LRMDA: variants seen among roughly 807,000 people sequenced by gnomAD.
LRMDA encodes the protein leucine rich melanocyte differentiation associated.
A neutral mutation model predicts 29.8 loss-of-function variants in LRMDA; 18 were observed. The ratio of observed to expected loss-of-function variants is 0.60; its 90% confidence interval spans 0.42 to 0.90. The LOEUF is 0.90. LRMDA is among the 40% of genes least tolerant of loss of function. LRMDA has a pLI of 0.00. For missense variants in LRMDA, 273 were observed against 273.9 expected, an observed-to-expected ratio of 1.00 and a Z score of 0.02; for synonymous variants, 125 against 109.4, an observed-to-expected ratio of 1.14 and a Z score of -0.89.
At chr10:76,195,798 G>A (rs1460810450) in intron 5 of LRMDA, among the ~76,000 whole-genome samples, 1 of 152,162 alleles carries the variant, frequency 6.6e-6, no homozygotes, top group Non-Finnish European at 1.5e-5. Context: ...GTAAATTAAA[G>A]GAATGTTATT....
At chr10:75,610,435 A>G (rs1203392774) in intron 2 of LRMDA, among the ~76,000 whole-genome samples, 1 of 151,822 alleles carries the variant, frequency 6.6e-6, no homozygotes, top group African/African-American at 2.4e-5. Flanking sequence ...CCCCACATGT[A>G]CACACAGCAC....
intron 2 of LRMDA, among the ~76,000 whole-genome samples, chr10:75,895,740 G>A (rs976895306): frequency 1.1e-4 from 17 of 152,222 alleles, no homozygotes; most frequent in Admixed American, 3.9e-4. Context: ...AGAACAGCAC[G>A]TGAAGGAAGG....
chr10:75,904,833 CTGTGTGGCTCGGGGAGTCTCTCTT>C (rs1272138883), intron 2 of LRMDA, among the ~76,000 whole-genome samples: 1 of 152,120 alleles, frequency 6.6e-6, no homozygotes, highest in Non-Finnish European at 1.5e-5. Context: ...TTCTCGTGAC[CTGTGTGGCTCGGGGAGTCTCTCTT>C]AGAGATGGAG....
At chr10:76,493,532 T>C (rs1483584015) in intron 6 of LRMDA, among the ~76,000 whole-genome samples, 1 of 152,144 alleles carries the variant, frequency 6.6e-6, no homozygotes, top group African/African-American at 2.4e-5. Context: ...TGTAAAACGG[T>C]ATTCAATTAT....
At chr10:76,288,808 G>C (rs1474448044) in intron 5 of LRMDA, among the ~76,000 whole-genome samples, 3 of 152,102 alleles carry the variant, frequency 2.0e-5, no homozygotes, top group African/African-American at 4.8e-5. Context: ...GAGATTCTTG[G>C]AAAATTGCTT....
At chr10:76,329,051 G>A (rs1489617231) in intron 6 of LRMDA, among the ~76,000 whole-genome samples, 1 of 152,086 alleles carries the variant, frequency 6.6e-6, no homozygotes, top group East Asian at 1.9e-4. Context: ...ACCAGTGAGG[G>A]GATTCTCACG....
In LRMDA at chr10:75,812,013, G is replaced by A. The variant is rs144715786; in HGVS notation, c.132-223995G>A. ...GGATTTTCTTCCCTTTGCCCTTGACGTTGAAGTGAAACATATTGTTTCCCT... is the reference window on the plus strand; with the variant it reads ...GGATTTTCTTCCCTTTGCCCTTGACATTGAAGTGAAACATATTGTTTCCCT... On this transcript the variant is annotated intron_variant, in intron 2 of 6. Coordinates refer to ENST00000611255, the MANE Select transcript of LRMDA (RefSeq NM_001305581.2). 1.9e-4 allele frequency among the ~76,000 whole-genome samples: 28 copies of A among 151,098 alleles called. No homozygotes were observed. The East Asian group carries it at 5.3e-3, about 28-fold the overall frequency.
intron 5 of LRMDA, among the ~76,000 whole-genome samples, chr10:76,218,997 G>C (rs1851778576): frequency 2.0e-5 from 3 of 152,176 alleles, no homozygotes; most frequent in Admixed American, 6.5e-5. Context: ...TGCAGACTAG[G>C]AATGTTGGGA....
At chr10:75,855,382 G>T (rs1278590133) in intron 2 of LRMDA, among the ~76,000 whole-genome samples, 1 of 152,166 alleles carries the variant, frequency 6.6e-6, no homozygotes, top group Admixed American at 6.5e-5. Flanking sequence ...AGAAGTGTCT[G>T]TTCATATCCT....
At chr10:75,871,821 A>G (rs1845116216) in intron 2 of LRMDA, among the ~76,000 whole-genome samples, 1 of 151,754 alleles carries the variant, frequency 6.6e-6, no homozygotes, top group Non-Finnish European at 1.5e-5. Flanking sequence ...ACTCACCTTT[A>G]CCCTTTGTTT....
chr10:75,529,267 A>G (rs1173776939), intron 2 of LRMDA, among the ~76,000 whole-genome samples: 1 of 152,234 alleles, frequency 6.6e-6, no homozygotes, highest in Non-Finnish European at 1.5e-5. Context: ...AGGGCCTCAG[A>G]CTTCCAAATG....
chr10:76,006,379 G>A (rs995811662), intron 2 of LRMDA, among the ~76,000 whole-genome samples: 4 of 152,158 alleles, frequency 2.6e-5, no homozygotes, highest in African/African-American at 7.2e-5. Context: ...GGAGAGAACC[G>A]TTTTGCCTCT....
chr10:75,632,692 A>G (rs566828934), intron 2 of LRMDA, among the ~76,000 whole-genome samples: 2 of 151,468 alleles, frequency 1.3e-5, no homozygotes, highest in Admixed American at 1.3e-4. Context: ...CTTTGTATCA[A>G]GTGTAGGGAG....
At chr10:75,553,408 T>C (rs1262716448) in intron 2 of LRMDA, among the ~76,000 whole-genome samples, 1 of 152,210 alleles carries the variant, frequency 6.6e-6, no homozygotes, top group Non-Finnish European at 1.5e-5. Context: ...CTCTAGAGAA[T>C]GGGTCTCTCT....
intron 2 of LRMDA, among the ~76,000 whole-genome samples, chr10:75,818,353 T>C (rs1844096339): frequency 6.6e-6 from 1 of 152,192 alleles, no homozygotes. Flanking sequence ...CTGTCATATG[T>C]CAAGTATCTG....
At chr10:76,210,004 A>G (rs1034960799) in intron 5 of LRMDA, among the ~76,000 whole-genome samples, 2 of 152,212 alleles carry the variant, frequency 1.3e-5, no homozygotes, top group African/African-American at 4.8e-5. Context: ...AAAAGCGCAT[A>G]GCTACAAATG....
intron 2 of LRMDA, among the ~76,000 whole-genome samples, chr10:75,964,141 A>T (rs1457109600): frequency 6.6e-6 from 1 of 152,206 alleles, no homozygotes; most frequent in Non-Finnish European, 1.5e-5. Flanking sequence ...ACAGAGAAGG[A>T]ATGCGTTACA....
At chr10:76,118,840 CTTT>C (rs962279433) in intron 5 of LRMDA, among the ~76,000 whole-genome samples, 5 of 46,006 alleles carry the variant, frequency 1.1e-4, no homozygotes, top group African/African-American at 3.1e-4. Flanking sequence ...TGCAAATACA[CTTT>C]TTTTTTTTTT....
At chr10:76,125,528 T>TA (rs574651462) in intron 5 of LRMDA, among the ~76,000 whole-genome samples, 22 of 152,220 alleles carry the variant, frequency 1.4e-4, no homozygotes, top group African/African-American at 2.2e-4. Flanking sequence ...GGTCATTTAA[T>TA]AAAAAAAATT....
Sources: gnomAD v4.1 joint callset for allele counts (sites outside exome capture counted in the v4.1 genomes callset) on GRCh38, gnomAD v4.1.1 for gene constraint, MANE v1.5 for transcripts, NCBI Gene and HGNC (gene_info 2026-07-23, HGNC 2026-07-21) for gene names.